Variants in AK8 observed in about 807,000 individuals in gnomAD.
The protein encoded by AK8 is adenylate kinase 8.
A neutral mutation model predicts 54.6 loss-of-function variants in AK8; 44 were observed. The observed-to-expected ratio is 0.81, with a 90% CI of 0.63 to 1.04. The LOEUF is 1.04. Among genes scored for constraint, AK8 ranks in the 50% least tolerant of loss-of-function variants. The pLI is 0.00. For synonymous variants in AK8, 239 were observed against 245.6 expected (o/e 0.97, Z 0.25); for missense variants, 555 against 613.6 (o/e 0.90, Z 1.01).
At chr9:132,824,777 C>A (rs566678962) in intron 8 of AK8, among the ~76,000 whole-genome samples, 2 of 152,196 alleles carry the variant, frequency 1.3e-5, no homozygotes, top group African/African-American at 4.8e-5. Context: ...GATGCACAGT[C>A]CCCTCTTTTT....
At chr9:132,814,844 C>T in intron 9 of AK8, 117 bp from the exon 10 acceptor site, 1 of 799,832 alleles carries the variant, frequency 1.3e-6, no homozygotes, top group Non-Finnish European at 1.9e-6. Context: ...CTGAAAAAAG[C>T]ATAAAAGGGT....
rs371932927 is a variant in AK8, at chr9:132,800,568, AC to A, written c.980-7794del. Among the ~76,000 whole-genome samples, 676 of 152,296 alleles carry A rather than the reference AC, an allele frequency of 4.4e-3. 2 individuals carry two copies. The highest frequency in any genetic ancestry group is 0.012 in the Admixed American group (176 of 15,296). ...CTTGGTTCCCCAAGTAGGAGATGAA[AC>A]AGATGCCTTCCATGGTTTTCTTAGA... On this transcript the variant is annotated intron_variant, in intron 10 of 12. Coordinates refer to ENST00000298545, the MANE Select transcript of AK8 (RefSeq NM_152572.3).
chr9:132,820,611 G>C (rs1841545006), intron 9 of AK8, among the ~76,000 whole-genome samples: 1 of 152,246 alleles, frequency 6.6e-6, no homozygotes, highest in Non-Finnish European at 1.5e-5. Context: ...CACAGGGTTT[G>C]CGCAGTTAGT....
intron 3 of AK8, among the ~76,000 whole-genome samples, chr9:132,866,634 T>G (rs1843608759): frequency 6.6e-6 from 1 of 152,080 alleles, no homozygotes; most frequent in South Asian, 2.1e-4. Flanking sequence ...AAGGAGAGCG[T>G]GTATGCAGGC....
chr9:132,864,234 T>C (rs1843502310), intron 3 of AK8, among the ~76,000 whole-genome samples: 1 of 152,196 alleles, frequency 6.6e-6, no homozygotes, highest in African/African-American at 2.4e-5. Flanking sequence ...AATTACTCTA[T>C]AGTCTATAAG....
At chr9:132,762,520 C>G (rs1838529029) in intron 11 of AK8, among the ~76,000 whole-genome samples, 1 of 152,104 alleles carries the variant, frequency 6.6e-6, no homozygotes, top group Non-Finnish European at 1.5e-5. Flanking sequence ...GACGGCCAAA[C>G]AGTGAATAAA....
chr9:132,737,630 C>A (rs1240242777), intron 11 of AK8, among the ~76,000 whole-genome samples: 1 of 152,146 alleles, frequency 6.6e-6, no homozygotes, highest in Non-Finnish European at 1.5e-5. Flanking sequence ...AGTTTATAAT[C>A]ATCTCAACAG....
chr9:132,878,129 C>A lies in AK8; in HGVS notation c.84+43G>T. 1 of 1,535,908 alleles carries A rather than the reference C, an allele frequency of 6.5e-7. No homozygotes were observed. The highest frequency in any genetic ancestry group is 8.8e-7 in the Non-Finnish European group (1 of 1,141,328). On this transcript the variant is annotated intron_variant, in intron 1 of 12. Coordinates refer to ENST00000298545, the MANE Select transcript of AK8 (RefSeq NM_152572.3). This position sits in a 1 kb window ranked among gnomAD's most constrained non-coding sequence, Gnocchi z 4.7. ...CACCCGACGTCGCAGTGGAGGCTCC[C>A]GAGCCGCCGCCAGCGTCGCGACGGG... is the stretch of plus-strand genomic sequence containing the variant.
At chr9:132,785,276 G>C (rs2131142876) in intron 11 of AK8, among the ~76,000 whole-genome samples, 1 of 152,116 alleles carries the variant, frequency 6.6e-6, no homozygotes, top group African/African-American at 2.4e-5. Context: ...GCTAATTTTT[G>C]TATTTTTAGT....
chr9:132,875,165 T>C lies in AK8; in HGVS notation c.119A>G (p.Glu40Gly). The change falls in exon 2 of 13, where the codon GAA becomes GGA. Residue 40 changes from glutamate to glycine, a missense_variant. Physicochemically the swap from Glu to Gly is moderately conservative, Grantham distance 98. Coordinates refer to ENST00000298545, the MANE Select transcript of AK8 (RefSeq NM_152572.3). The stretch of plus-strand genomic sequence containing the variant: ...CTGGATCATGAAGGGGATGGGATCT[T>C]CGGGCTGGTGGATCAGGAGTTGCTC... ...MLEQLLIHQP[E>G]DPIPFMIQHL... is the part of the protein sequence containing the mutation. 6.2e-7 allele frequency: 1 copy of C among 1,614,090 alleles called. No homozygotes were observed. Among genetic ancestry groups the C allele is most frequent in the Non-Finnish European group, 8.5e-7 (1 of 1,180,002 alleles).
intron 9 of AK8, among the ~76,000 whole-genome samples, chr9:132,820,444 G>A (rs1001538068): frequency 1.3e-5 from 2 of 152,066 alleles, no homozygotes; most frequent in African/African-American, 2.4e-5. Context: ...CAGCTGCCTC[G>A]CAATCCATTA....
At chr9:132,817,694 G>A (rs1440670216) in intron 9 of AK8, among the ~76,000 whole-genome samples, 1 of 152,116 alleles carries the variant, frequency 6.6e-6, no homozygotes, top group Non-Finnish European at 1.5e-5. Context: ...GATGGGAAAG[G>A]ACCGGAAGAA....
intron 2 of AK8, among the ~76,000 whole-genome samples, chr9:132,872,399 C>T (rs1481950604): frequency 6.6e-6 from 1 of 152,124 alleles, no homozygotes; most frequent in Non-Finnish European, 1.5e-5. Flanking sequence ...GATTTTCAAA[C>T]TAACAGTAGA....
At position 132,790,086 on chromosome 9, in the gene AK8, C is replaced by T. The variant is rs745911702; in HGVS notation, c.1121+2548G>A. ...AAGCAGTAGAATAATATTCCATGAACGAACAATATGCCATGACCAAACCAG... is the reference window on the plus strand; with the variant it reads ...AAGCAGTAGAATAATATTCCATGAATGAACAATATGCCATGACCAAACCAG... On this transcript the variant is annotated intron_variant, in intron 11 of 12. Coordinates refer to ENST00000298545, the MANE Select transcript of AK8 (RefSeq NM_152572.3). This position sits in a 1 kb window ranked among gnomAD's most constrained non-coding sequence, Gnocchi z 4.1. 5.3e-5 allele frequency among the ~76,000 whole-genome samples: 8 copies of T among 152,088 alleles called. No individual in the cohort carries two copies. The highest frequency in any genetic ancestry group is 8.8e-5 in the Non-Finnish European group (6 of 68,022).
At chr9:132,798,803 C>T (rs1380106407) in intron 10 of AK8, among the ~76,000 whole-genome samples, 1 of 152,018 alleles carries the variant, frequency 6.6e-6, no homozygotes. Flanking sequence ...GTGTGCTTGG[C>T]CCTTGGCATG....
At chr9:132,753,638 G>T (rs913200324) in intron 11 of AK8, among the ~76,000 whole-genome samples, 3 of 152,240 alleles carry the variant, frequency 2.0e-5, no homozygotes, top group Admixed American at 6.5e-5. Flanking sequence ...TTGCTGGAGG[G>T]TATGGGTCAT....
Position 132,875,122 on chromosome 9 carries a change from G to A in AK8, c.162C>T (p.Asn54=), listed in dbSNP as rs750347039. 6.2e-6 allele frequency: 10 copies of A among 1,613,992 alleles called. No homozygotes were observed. The highest frequency in any genetic ancestry group is 1.7e-5 in the Admixed American group (1 of 59,988). Residue 54 remains asparagine (N), a synonymous_variant, in exon 2 of 13, where the codon AAC becomes AAT. Coordinates refer to ENST00000298545, the MANE Select transcript of AK8 (RefSeq NM_152572.3). The part of the protein sequence containing the change: ...PFMIQHLHRD[N]DNVPRIVILG... The stretch of plus-strand genomic sequence containing the variant: ...GCCCCAGCCAGTGCTCACCATTGTC[G>A]TTGTCTCTATGCAAGTGCTGGATCA...
chr9:132,747,210 G>A (rs1156666865), intron 11 of AK8, among the ~76,000 whole-genome samples: 12 of 152,114 alleles, frequency 7.9e-5, no homozygotes, highest in African/African-American at 2.7e-4. Flanking sequence ...GTGCAATCTC[G>A]GCTCACTGCA....
At chr9:132,732,511 G>A (rs956406277) in intron 11 of AK8, among the ~76,000 whole-genome samples, 3 of 152,158 alleles carry the variant, frequency 2.0e-5, no homozygotes, top group Non-Finnish European at 4.4e-5. Context: ...GGCTCCTCCA[G>A]GCCACAGGAA....
Sources: gnomAD v4.1 joint callset for allele counts (sites outside exome capture counted in the v4.1 genomes callset) on GRCh38, gnomAD v4.1.1 for gene constraint, Gnocchi (gnomAD v3.1) non-coding constraint, MANE v1.5 for transcripts, NCBI Gene and HGNC (gene_info 2026-07-23, HGNC 2026-07-21) for gene names.